The following DLGAP1 variants were observed in gnomAD, a reference collection of about 807,000 sequenced individuals.
DLGAP1 encodes the protein disks large-associated protein 1.
Under a neutral mutation model 90.8 loss-of-function variants are expected in DLGAP1, and 11 were observed. That is an observed-to-expected ratio of 0.12 (90% CI 0.08 to 0.20). The LOEUF (loss-of-function observed/expected upper bound fraction) is 0.20. DLGAP1 is among the 10% of genes least tolerant of loss of function. The pLI, the probability that DLGAP1 is intolerant of heterozygous loss-of-function variation, is 1.00. For synonymous variants in DLGAP1, 558 were observed against 540.7 expected (o/e 1.03, Z -0.44); for missense variants, 1,050 against 1,333.8 (o/e 0.79, Z 3.31).
intron 1 of DLGAP1, among the ~76,000 whole-genome samples, chr18:4,439,810 TAA>T (rs1328629160): frequency 6.6e-6 from 1 of 151,452 alleles, no homozygotes; most frequent in East Asian, 1.9e-4. Flanking sequence ...ATTTTGTCTG[TAA>T]AAAATTTTAA....
Position 3,925,069 on chromosome 18 carries a change from C to T in DLGAP1, c.-72-44929G>A, listed in dbSNP as rs867113716. 3.9e-5 allele frequency among the ~76,000 whole-genome samples: 6 copies of T among 152,220 alleles called. No homozygotes were observed. The South Asian group carries it at 1.0e-3, about 26-fold the overall frequency. ...CTGAGTTCAAGCGATTCTCCTGCCT[C>T]AGCCTCCTGAGTAGCTAGGACTACA... is the stretch of plus-strand genomic sequence containing the variant. On this transcript the variant is annotated intron_variant, in intron 3 of 12. Coordinates refer to ENST00000315677, the MANE Select transcript of DLGAP1 (RefSeq NM_004746.4).
chr18:3,834,148 T>C (rs2148582803), intron 4 of DLGAP1, among the ~76,000 whole-genome samples: 2 of 151,552 alleles, frequency 1.3e-5, no homozygotes, highest in African/African-American at 4.8e-5. Context: ...CTACTAAAAA[T>C]ACAAAAAATT....
At chr18:3,891,381 C>A (rs1457633404) in intron 3 of DLGAP1, among the ~76,000 whole-genome samples, 1 of 152,182 alleles carries the variant, frequency 6.6e-6, no homozygotes, top group Non-Finnish European at 1.5e-5. Context: ...TCTTTCCACA[C>A]AGAGGCTGCT....
At chr18:4,061,968 A>T (rs1410456234) in intron 2 of DLGAP1, among the ~76,000 whole-genome samples, 1 of 152,162 alleles carries the variant, frequency 6.6e-6, no homozygotes, top group Non-Finnish European at 1.5e-5. Context: ...TTGTGACATT[A>T]AAATGGAGAG....
chr18:4,235,159 C>G (rs914875890), intron 1 of DLGAP1, among the ~76,000 whole-genome samples: 22 of 152,140 alleles, frequency 1.4e-4, no homozygotes, highest in Admixed American at 3.3e-4. Context: ...ATTCTTCTGT[C>G]CCTTGGTGAA....
At chr18:4,344,596 A>G (rs1399853069) in intron 1 of DLGAP1, among the ~76,000 whole-genome samples, 3 of 152,226 alleles carry the variant, frequency 2.0e-5, no homozygotes, top group Admixed American at 6.5e-5. Flanking sequence ...AGCTTTTAAA[A>G]TATTTGTACA....
chr18:4,327,000 A>C (rs2080832965), intron 1 of DLGAP1, among the ~76,000 whole-genome samples: 1 of 152,086 alleles, frequency 6.6e-6, no homozygotes, highest in Admixed American at 6.6e-5. Flanking sequence ...CCTGGACCTA[A>C]AGTCACATTT....
At chr18:4,389,070 G>C (rs2082291009) in intron 1 of DLGAP1, among the ~76,000 whole-genome samples, 1 of 152,148 alleles carries the variant, frequency 6.6e-6, no homozygotes. Context: ...TATGTTCATA[G>C]TAGCACTATT....
chr18:4,062,744 T>C (rs1293507647), intron 2 of DLGAP1, among the ~76,000 whole-genome samples: 1 of 152,084 alleles, frequency 6.6e-6, no homozygotes, highest in Non-Finnish European at 1.5e-5. Flanking sequence ...GAGAGAAAAA[T>C]TATGTTTCAA....
chr18:4,313,408 T>C (rs905473871), intron 1 of DLGAP1, among the ~76,000 whole-genome samples: 3 of 152,242 alleles, frequency 2.0e-5, no homozygotes, highest in Non-Finnish European at 4.4e-5. Flanking sequence ...AAGAAAGAGA[T>C]GCAGTTAGCC....
intron 7 of DLGAP1, among the ~76,000 whole-genome samples, chr18:3,600,790 A>G (rs1269117587): frequency 9.7e-6 from 1 of 102,834 alleles, no homozygotes; most frequent in African/African-American, 3.8e-5. Context: ...ATAGATATAT[A>G]TAGATATATA....
chr18:3,936,789 T>C (rs575283207), intron 3 of DLGAP1, among the ~76,000 whole-genome samples: 2 of 152,316 alleles, frequency 1.3e-5, no homozygotes, highest in African/African-American at 2.4e-5. Context: ...GAGGCATATA[T>C]GGGGTAATGT....
At chr18:3,626,154 G>A (rs575289262) in intron 7 of DLGAP1, among the ~76,000 whole-genome samples, 7 of 152,092 alleles carry the variant, frequency 4.6e-5, no homozygotes, top group Admixed American at 2.0e-4. Flanking sequence ...TTAGCCCAGC[G>A]TGGTGGCACA....
At chr18:4,300,151 C>T (rs2080088419) in intron 1 of DLGAP1, among the ~76,000 whole-genome samples, 1 of 152,052 alleles carries the variant, frequency 6.6e-6, no homozygotes, top group African/African-American at 2.4e-5. Context: ...TGTCTTTTAG[C>T]AAAGGAATTT....
At chr18:3,804,748 T>C (rs1455462469) in intron 5 of DLGAP1, among the ~76,000 whole-genome samples, 3 of 152,242 alleles carry the variant, frequency 2.0e-5, no homozygotes, top group Non-Finnish European at 4.4e-5. Flanking sequence ...AGGGATTGTG[T>C]AATGATGCGT....
intron 2 of DLGAP1, among the ~76,000 whole-genome samples, chr18:4,077,892 G>A (rs186510322): frequency 2.0e-5 from 3 of 152,234 alleles, no homozygotes; most frequent in Non-Finnish European, 4.4e-5. Context: ...GAAGGCACTC[G>A]GTACTCAAGA....
chr18:4,044,972 G>A (rs2075027268), intron 2 of DLGAP1, among the ~76,000 whole-genome samples: 1 of 152,062 alleles, frequency 6.6e-6, no homozygotes, highest in Non-Finnish European at 1.5e-5. Flanking sequence ...TCTTCCCATA[G>A]AGGAAACAAC....
At chr18:3,522,356 C>CA (rs1159913047) in intron 10 of DLGAP1, among the ~76,000 whole-genome samples, 2 of 151,800 alleles carry the variant, frequency 1.3e-5, no homozygotes, top group African/African-American at 4.8e-5. Context: ...AGGCTGGTCT[C>CA]AAAGTCCTGA....
intron 1 of DLGAP1, among the ~76,000 whole-genome samples, chr18:4,367,714 T>A (rs1012162688): frequency 3.3e-5 from 5 of 152,058 alleles, no homozygotes; most frequent in African/African-American, 4.8e-5. Flanking sequence ...CTGGGCGTCG[T>A]GGCAGGCACC....
Sources: gnomAD v4.1 joint callset for allele counts (sites outside exome capture counted in the v4.1 genomes callset) on GRCh38, gnomAD v4.1.1 for gene constraint, MANE v1.5 for transcripts, NCBI Gene and HGNC (gene_info 2026-07-23, HGNC 2026-07-21) for gene names.